Variants in C1orf53 observed in about 807,000 individuals in gnomAD.
C1orf53 encodes chromosome 1 open reading frame 53.
C1orf53 carries 23 observed loss-of-function variants against 17.5 expected under a neutral mutation model. The observed-to-expected ratio is 1.31, with a 90% CI of 0.94 to 1.86. The LOEUF is 1.86. C1orf53 is among the 40% of genes most tolerant of loss of function. The pLI is 0.00. For synonymous variants in C1orf53, 108 were observed against 81.9 expected (o/e 1.32, Z -1.72); for missense variants, 255 against 193.2 (o/e 1.32, Z -1.89).
chr1:197,904,181 A>T (rs1260387716), intron 1 of C1orf53, among the ~76,000 whole-genome samples: 20 of 152,226 alleles, frequency 1.3e-4, no homozygotes. Context: ...TCCTTCTTCC[A>T]GCCTCAAAGC....
At chr1:197,905,111 G>C (rs1234289018) in intron 1 of C1orf53, among the ~76,000 whole-genome samples, 1 of 152,174 alleles carries the variant, frequency 6.6e-6, no homozygotes, top group Admixed American at 6.5e-5. Context: ...TTTGAATGTA[G>C]ATAGAATATA....
intron 1 of C1orf53, among the ~76,000 whole-genome samples, chr1:197,903,202 G>A (rs1223384293): frequency 6.6e-6 from 1 of 152,230 alleles, no homozygotes; most frequent in African/African-American, 2.4e-5. Flanking sequence ...CTTTTGTGGT[G>A]TATGTGTGTG....
chr1:197,905,800 G>C lies in C1orf53; in HGVS notation c.269G>C (p.Gly90Ala). ...TTTCATTTTATTGCACTTCAGGCTG[G>C]CCAGCTAAACTATGTGGATCCAGCT... The part of the protein sequence containing the change: ...AELHAAACAA[G>A]QLNYVDPATG... Residue 90 changes from glycine to alanine, a missense_variant, in exon 2 of 3, where the codon GGC becomes GCC. Coordinates refer to ENST00000367393, the MANE Select transcript of C1orf53 (RefSeq NM_001024594.3). 1.2e-6 allele frequency: 2 copies of C among 1,610,380 alleles called. No homozygotes were observed. Among genetic ancestry groups the C allele is most frequent in the South Asian group, 2.2e-5 (2 of 90,834 alleles).
intron 1 of C1orf53, among the ~76,000 whole-genome samples, chr1:197,904,198 C>CAGA (rs1659485240): frequency 6.6e-6 from 1 of 152,238 alleles, no homozygotes; most frequent in Non-Finnish European, 1.5e-5. Flanking sequence ...AAGCAGATAG[C>CAGA]TCTCTTACCT....
chr1:197,904,531 C>T (rs1018412239), intron 1 of C1orf53, among the ~76,000 whole-genome samples: 2 of 152,148 alleles, frequency 1.3e-5, no homozygotes, highest in African/African-American at 2.4e-5. Flanking sequence ...AGTCTCCAAA[C>T]ACGAGCTTCG....
chr1:197,903,115 C>G (rs184943057), intron 1 of C1orf53, among the ~76,000 whole-genome samples: 3 of 152,314 alleles, frequency 2.0e-5, no homozygotes, highest in Admixed American at 6.5e-5. Flanking sequence ...CTGTGTCTGT[C>G]TTGAGTATGA....
At position 197,902,889 on chromosome 1, in the gene C1orf53, G is replaced by C. The variant is rs4539165; in HGVS notation, c.240G>C (p.Ala80=). 1.7e-5 allele frequency: 25 copies of C among 1,491,700 alleles called. No homozygotes were observed. In the South Asian group the frequency reaches 2.8e-4, roughly 17 times the overall value. 92.4% of individuals were successfully genotyped at this position (1,491,700 alleles called of 1,614,324 possible). Residue 80 remains alanine (A), a synonymous_variant, in exon 1 of 3, where the codon GCG becomes GCC. Coordinates refer to ENST00000367393, the MANE Select transcript of C1orf53 (RefSeq NM_001024594.3). ...EELTAAERQI[A]ELHAAACAAG... ...TAACCGCGGCGGAGCGACAGATCGC[G>C]GAGCTGCACGCTGCCGCCTGCGCGG... is the stretch of plus-strand genomic sequence containing the variant.
Position 197,905,904 on chromosome 1 carries a change from A to G in C1orf53, c.366+7A>G, listed in dbSNP as rs757420792. 1.0e-5 allele frequency: 16 copies of G among 1,605,716 alleles called. No homozygotes were observed. Among genetic ancestry groups the G allele is most frequent in the Admixed American group, 8.3e-5 (5 of 59,898 alleles). On this transcript the variant is annotated splice_region_variant and intron_variant, in intron 2 of 2. Coordinates refer to ENST00000367393, the MANE Select transcript of C1orf53 (RefSeq NM_001024594.3). ...TGGCTCTGCGTGCAGACATGTGAGTAGCAATTCTTGCATTACAGCAGCAGT... is the reference window on the plus strand; with the variant it reads ...TGGCTCTGCGTGCAGACATGTGAGTGGCAATTCTTGCATTACAGCAGCAGT...
chr1:197,903,026 T>A (rs1659465427), intron 1 of C1orf53, 113 bp downstream of exon 1: 2 of 1,008,630 alleles, frequency 2.0e-6, no homozygotes, highest in South Asian at 5.9e-5. Flanking sequence ...CAAAGGTTGC[T>A]GGATACCGGT....
chr1:197,903,473 C>G (rs1006892320), intron 1 of C1orf53, among the ~76,000 whole-genome samples: 1 of 152,164 alleles, frequency 6.6e-6, no homozygotes, highest in Non-Finnish European at 1.5e-5. Context: ...TCCTGTTTTG[C>G]GGATTTGACA....
At chr1:197,905,190 A>G (rs1659503552) in intron 1 of C1orf53, among the ~76,000 whole-genome samples, 1 of 152,230 alleles carries the variant, frequency 6.6e-6, no homozygotes, top group Non-Finnish European at 1.5e-5. Context: ...TGTGAGTGTT[A>G]ATATGTTAAA....
chr1:197,903,025 C>A, intron 1 of C1orf53, 112 bp downstream of exon 1: 1 of 1,038,762 alleles, frequency 9.6e-7, no homozygotes, highest in Non-Finnish European at 1.3e-6. Context: ...GCAAAGGTTG[C>A]TGGATACCGG....
chr1:197,905,242 A>G (rs1659504621), intron 1 of C1orf53, among the ~76,000 whole-genome samples: 1 of 151,614 alleles, frequency 6.6e-6, no homozygotes, highest in Admixed American at 6.6e-5. Flanking sequence ...ATAACACACC[A>G]GCAAAAAAAA....
At chr1:197,904,908 G>GA (rs35015853) in intron 1 of C1orf53, among the ~76,000 whole-genome samples, 150,649 of 152,218 alleles carry the variant, frequency 0.99, 74,569 homozygotes, top group East Asian at 1. Flanking sequence ...GTATTTTAAT[G>GA]AAAAAAACTC....
chr1:197,905,602 T>A (rs1659511266), intron 1 of C1orf53, 194 bp from the exon 2 acceptor site: 3 of 532,090 alleles, frequency 5.6e-6, no homozygotes, highest in Non-Finnish European at 9.9e-6. Flanking sequence ...TATTTTCTCC[T>A]TATGTCACAT....
Position 197,902,871 on chromosome 1 carries a change from G to C in C1orf53, c.222G>C (p.Ala74=). ...ARPSVSEELT[A]AERQIAELHA... is the part of the protein sequence containing the mutation. ...CTTCGGTGAGCGAAGAGTTAACCGC[G>C]GCGGAGCGACAGATCGCGGAGCTGC... The change falls in exon 1 of 3, where the codon GCG becomes GCC. Residue 74 remains alanine (A), a synonymous_variant. Coordinates refer to ENST00000367393, the MANE Select transcript of C1orf53 (RefSeq NM_001024594.3). 4.6e-6 allele frequency: 7 copies of C among 1,519,422 alleles called. No homozygotes were observed. The highest frequency in any genetic ancestry group is 6.1e-6 in the Non-Finnish European group (7 of 1,139,298). 94.1% of individuals were successfully genotyped at this position (1,519,422 alleles called of 1,614,324 possible). A position where few individuals can be genotyped will look rare whatever the true frequency, so the allele number is the denominator to read the frequency against.
rs1469804092 is a variant in C1orf53 at position 197,902,893 on chromosome 1, C to A, written c.244C>A (p.Leu82Met). The stretch of plus-strand genomic sequence containing the variant: ...CGCGGCGGAGCGACAGATCGCGGAG[C>A]TGCACGCTGCCGCCTGCGCGGTGAG... ...LTAAERQIAE[L>M]HAAACAAGQL... Residue 82 changes from leucine to methionine, a missense_variant, in exon 1 of 3, where the codon CTG becomes ATG. Coordinates refer to ENST00000367393, the MANE Select transcript of C1orf53 (RefSeq NM_001024594.3). The A allele has an allele frequency of 2.7e-6, 4 of 1,482,952 alleles. No individual in the cohort carries two copies. Among genetic ancestry groups the A allele is most frequent in the Non-Finnish European group, 3.6e-6 (4 of 1,120,616 alleles). 91.9% of individuals were successfully genotyped at this position (1,482,952 alleles called of 1,614,324 possible). A position where few individuals can be genotyped will look rare whatever the true frequency, so the allele number is the denominator to read the frequency against.
chr1:197,905,810 CTA>C lies in C1orf53; in HGVS notation c.281_282del (p.Tyr94CysfsTer20), dbSNP rs763598456. The C allele has an allele frequency of 3.1e-6, 5 of 1,612,976 alleles. No individual in the cohort carries two copies. In the African/African-American group the frequency reaches 6.7e-5, roughly 22 times the overall value. On this transcript the variant is annotated frameshift_variant, in exon 2 of 3. Coordinates refer to ENST00000367393, the MANE Select transcript of C1orf53 (RefSeq NM_001024594.3). LOFTEE classifies it high-confidence loss of function. Reference sequence around the variant, plus strand: ...TTGCACTTCAGGCTGGCCAGCTAAACTATGTGGATCCAGCTACTGGCTATGTG... The same window carrying C: ...TTGCACTTCAGGCTGGCCAGCTAAACTGTGGATCCAGCTACTGGCTATGTG... ...AAACAAGQLN[Y>X]VDPATGYVVL...
At position 197,905,871 on chromosome 1, in the gene C1orf53, G is replaced by C. The variant is rs1430379008; in HGVS notation, c.340G>C (p.Glu114Gln). 3 of 1,613,734 alleles carry C rather than the reference G, an allele frequency of 1.9e-6. No individual in the cohort carries two copies. The Admixed American group carries it at 5.0e-5, about 27-fold the overall frequency. The change falls in exon 2 of 3, where the codon GAA (glutamate) becomes CAA (glutamine). Residue 114 changes from glutamate (E) to glutamine (Q), a missense_variant. Physicochemically the swap from Glu to Gln is conservative, Grantham distance 29 (BLOSUM62 2). Coordinates refer to ENST00000367393, the MANE Select transcript of C1orf53 (RefSeq NM_001024594.3). The part of the protein sequence containing the change: ...LTQIAHLQRG[E>Q]CCGSACRHCP... ...ACAGATTGCCCACTTGCAAAGAGGT[G>C]AATGTTGTGGCTCTGCGTGCAGACA...
Sources: allele counts gnomAD v4.1 joint callset (sites outside exome capture counted in the v4.1 genomes callset), GRCh38; gene constraint gnomAD v4.1.1; transcripts MANE v1.5; gene names NCBI Gene and HGNC (gene_info 2026-07-23, HGNC 2026-07-21).